NOMO3: variants seen among roughly 807,000 people sequenced by gnomAD.
NOMO3 encodes the protein BOS complex subunit NOMO3.
A neutral mutation model predicts 69.9 loss-of-function variants in NOMO3; 15 were observed. The ratio of observed to expected loss-of-function variants is 0.21; its 90% CI spans 0.14 to 0.33. The LOEUF (loss-of-function observed/expected upper bound fraction) is 0.33, where lower values mean the gene tolerates loss of function less well. Among genes scored for constraint, NOMO3 ranks in the 10% least tolerant of loss-of-function variants. The pLI is 1.00. For synonymous variants in NOMO3, 89 were observed against 301.9 expected, an observed-to-expected ratio of 0.29 and a Z score of 7.31; for missense variants, 218 against 761.0, an observed-to-expected ratio of 0.29 and a Z score of 8.39.
chr16:16,234,798 C>G (rs1384106815), intron 1 of NOMO3, among the ~76,000 whole-genome samples: 1 of 150,530 alleles, frequency 6.6e-6, no homozygotes, highest in Non-Finnish European at 1.5e-5. Flanking sequence ...ACATTTTGTT[C>G]TCTAACAGGG....
intron 7 of NOMO3, chr16:16,251,416 G>A (rs2049461580): frequency 6.7e-6 from 1 of 148,940 alleles, no homozygotes; most frequent in South Asian, 1.4e-4. Flanking sequence ...CAGTAGAATC[G>A]CTTGAACCCA....
chr16:16,235,204 C>A (rs989857242), intron 1 of NOMO3, among the ~76,000 whole-genome samples: 2 of 151,004 alleles, frequency 1.3e-5, no homozygotes, highest in Admixed American at 6.6e-5. Flanking sequence ...TTCAAATGTT[C>A]GTTTTATGAG....
chr16:16,245,463 A>G (rs1249413260), intron 5 of NOMO3, among the ~76,000 whole-genome samples: 1 of 144,090 alleles, frequency 6.9e-6, no homozygotes, highest in African/African-American at 2.8e-5. Flanking sequence ...CCAGTATGGG[A>G]GGATCACTTG....
chr16:16,237,456 G>A (rs1306013728), intron 2 of NOMO3, among the ~76,000 whole-genome samples: 7 of 144,828 alleles, frequency 4.8e-5, no homozygotes, highest in Non-Finnish European at 1.0e-4. Flanking sequence ...GTCTTTAGAA[G>A]TATGTGAAAT....
At position 16,251,444 on chromosome 16, in the gene NOMO3, T is replaced by C. The variant is rs1369942102; in HGVS notation, c.735+364T>C. 3 of 171,532 alleles carry C rather than the reference T, an allele frequency of 1.7e-5. 1 individual carries two copies. The highest frequency in any genetic ancestry group is 6.9e-5 in the African/African-American group (2 of 29,088). 10.6% of individuals were successfully genotyped at this position (171,532 alleles called of 1,614,324 possible). ...TGAACCCAGGAGGTGGAGGTTGCAG[T>C]GAGCCAAGATCACGCCACTGCACTC... On this transcript the variant is annotated intron_variant, in intron 7 of 30. Coordinates refer to ENST00000399336, the MANE Select transcript of NOMO3 (RefSeq NM_001004067.4).
At chr16:16,239,264 C>T (rs1461619422) in intron 2 of NOMO3, among the ~76,000 whole-genome samples, 3 of 143,792 alleles carry the variant, frequency 2.1e-5, no homozygotes, top group African/African-American at 8.4e-5. Context: ...GATCTTTCTG[C>T]CTCTTCCTCC....
intron 16 of NOMO3, among the ~76,000 whole-genome samples, chr16:16,269,108 C>T (rs889290932): frequency 7.0e-6 from 1 of 143,822 alleles, no homozygotes; most frequent in African/African-American, 2.9e-5. Flanking sequence ...CTCCTCCTGC[C>T]CCTCCTAGCT....
Position 16,238,267 on chromosome 16 carries a change from C to CT in NOMO3, c.255+1278dup, listed in dbSNP as rs1333220457. Reference sequence around the variant, plus strand: ...TTTTTTTTTGAGACAGAGTCTCACTCTGTCAGCCAGGCTGGAGTGCAGTGG... The same window carrying CT: ...TTTTTTTTTGAGACAGAGTCTCACTCTTGTCAGCCAGGCTGGAGTGCAGTGG... On this transcript the variant is annotated intron_variant, in intron 2 of 30. Transcript: ENST00000399336. 8.1e-4 allele frequency among the ~76,000 whole-genome samples: 111 copies of CT among 136,392 alleles called. 1 individual carries two copies. Among genetic ancestry groups the CT allele is most frequent in the Non-Finnish European group, 1.8e-4 (12 of 65,692 alleles). 89.5% of individuals were successfully genotyped at this position (136,392 alleles called of 152,430 possible).
At position 16,265,318 on chromosome 16, in the gene NOMO3, G is replaced by A. The variant is rs551415473; in HGVS notation, c.1806+139G>A. ...GCCTCTGCACTCACCCACCTGTTAC[G>A]CAACGCATAATCAGGAAGCATTTAT... On this transcript the variant is annotated intron_variant, in intron 15 of 30. Transcript: ENST00000399336. The A allele has an allele frequency of 1.1e-4, 163 of 1,526,648 alleles. 7 individuals are homozygous for A. The highest frequency in any genetic ancestry group is 1.3e-4 in the Non-Finnish European group (152 of 1,138,648). The allele number at this position is 1,526,648 out of a possible 1,614,324, so 94.6% of individuals were successfully genotyped here. A position where few individuals can be genotyped will look rare whatever the true frequency, so the allele number is the denominator to read the frequency against.
chr16:16,269,429 A>ATTTTTTTTTTTTTTTTTT (rs750179595), intron 16 of NOMO3, among the ~76,000 whole-genome samples: 1 of 111,512 alleles, frequency 9.0e-6, no homozygotes. Flanking sequence ...GAGAAACCTG[A>ATTTTTTTTTTTTTTTTTT]TTTTTTTTTT....
intron 6 of NOMO3, among the ~76,000 whole-genome samples, chr16:16,248,021 A>G (rs1335253954): frequency 1.4e-5 from 1 of 70,972 alleles, no homozygotes; most frequent in African/African-American, 8.8e-5. Context: ...ACTACATTTA[A>G]AAACAGAGTT....
intron 16 of NOMO3, among the ~76,000 whole-genome samples, chr16:16,268,569 T>C (rs1249312778): frequency 7.0e-6 from 1 of 143,194 alleles, no homozygotes; most frequent in East Asian, 2.3e-4. Flanking sequence ...CCCAGCCCTG[T>C]CTGCCACTGT....
At chr16:16,265,670 A>ATTTTTTTTTT (rs59243746) in intron 15 of NOMO3, among the ~76,000 whole-genome samples, 6 of 16,682 alleles carry the variant, frequency 3.6e-4, no homozygotes, top group African/African-American at 9.2e-4. Flanking sequence ...ATATATATAT[A>ATTTTTTTTTT]TTTTTTTTTT....
intron 11 of NOMO3, 136 bp from the exon 12 acceptor site, chr16:16,261,366 C>T: frequency 7.1e-7 from 1 of 1,406,424 alleles, no homozygotes; most frequent in African/African-American, 1.8e-5. Flanking sequence ...ATCTGGATTG[C>T]ATTCTGTCTC....
chr16:16,243,972 AC>A (rs2049395280), intron 4 of NOMO3, among the ~76,000 whole-genome samples: 4 of 144,314 alleles, frequency 2.8e-5, no homozygotes, highest in Non-Finnish European at 1.5e-5. Flanking sequence ...TCTGACACTT[AC>A]GTAGGAGGAT....
At chr16:16,267,897 C>T (rs1814565781) in intron 16 of NOMO3, among the ~76,000 whole-genome samples, 1 of 128,688 alleles carries the variant, frequency 7.8e-6, no homozygotes, top group African/African-American at 3.7e-5. Context: ...ATGTAAGATC[C>T]TCTGTGCCCG....
chr16:16,254,776 A>G (rs1405519877), intron 9 of NOMO3, among the ~76,000 whole-genome samples: 3 of 144,836 alleles, frequency 2.1e-5, no homozygotes, highest in Admixed American at 2.0e-4. Context: ...TTGGGGATAC[A>G]CAGATCAGGG....
rs1240700763 is a variant in NOMO3, at chr16:16,237,764, G to T, written c.255+774G>T. ...GGGGTTTTGCCATGTTGGCTAGGCT[G>T]GTCTCGAACTCCTGACCTCAAGTGA... is the stretch of plus-strand genomic sequence containing the variant. On this transcript the variant is annotated intron_variant, in intron 2 of 30. Transcript: ENST00000399336. Among the ~76,000 whole-genome samples the T allele has an allele frequency of 2.1e-5, 3 of 143,978 alleles. 1 individual carries two copies. The highest frequency in any genetic ancestry group is 2.0e-4 in the Admixed American group (3 of 14,816). 94.5% of individuals were successfully genotyped at this position (143,978 alleles called of 152,430 possible).
In NOMO3 at chr16:16,246,466, C is replaced by T. The variant is rs1349367830; in HGVS notation, c.510-929C>T. 2.2e-5 allele frequency among the ~76,000 whole-genome samples: 3 copies of T among 133,998 alleles called. 1 individual carries two copies. Among genetic ancestry groups the T allele is most frequent in the African/African-American group, 6.6e-5 (2 of 30,184 alleles). 87.9% of individuals were successfully genotyped at this position (133,998 alleles called of 152,430 possible). ...ACTAGAAAAAAATAGTGTCTTGAGC[C>T]TTCTGAATACCTTTCATCTGCACTA... On this transcript the variant is annotated intron_variant, in intron 5 of 30. Transcript: ENST00000399336.
Sources: allele counts gnomAD v4.1 joint callset (sites outside exome capture counted in the v4.1 genomes callset), GRCh38; gene constraint gnomAD v4.1.1; transcripts MANE v1.5; gene names NCBI Gene and HGNC (gene_info 2026-07-23, HGNC 2026-07-21).